PLD5: variants seen among roughly 807,000 people sequenced by gnomAD.
PLD5 encodes the protein phospholipase D family member 5.
Under a neutral mutation model 61.1 loss-of-function variants are expected in PLD5, and 36 were observed. The ratio of observed to expected loss-of-function variants is 0.59; its 90% CI spans 0.45 to 0.78. The LOEUF (loss-of-function observed/expected upper bound fraction) is 0.78, where lower values mean the gene tolerates loss of function less well. PLD5 is among the 30% of genes least tolerant of loss of function. PLD5 has a pLI of 0.00. For missense variants in PLD5, 515 were observed against 644.4 expected (o/e 0.80, Z 2.17); for synonymous variants, 243 against 242.8 (o/e 1.00, Z -0.01).
Position 242,404,875 on chromosome 1 carries a change from A to ATTTTTTTTTTTTTTTTTTTTTTTTT in PLD5, c.190-56634_190-56633insAAAAAAAAAAAAAAAAAAAAAAAAA, listed in dbSNP as rs11361107. On this transcript the variant is annotated intron_variant, in intron 1 of 9. Coordinates refer to ENST00000536534, the MANE Select transcript of PLD5 (RefSeq NM_001372062.1). ...CATGCCTCTTATCTGTTCCCTGCTAATTTTTTTTTTTTTTTTTTTTTTGAG... is the reference window on the plus strand; with the variant it reads ...CATGCCTCTTATCTGTTCCCTGCTAATTTTTTTTTTTTTTTTTTTTTTTTTTTTTTTTTTTTTTTTTTTTTTTGAG... Among the ~76,000 whole-genome samples the ATTTTTTTTTTTTTTTTTTTTTTTTT allele has an allele frequency of 7.2e-4, 54 of 75,390 alleles. 5 individuals are homozygous for ATTTTTTTTTTTTTTTTTTTTTTTTT. Among genetic ancestry groups the ATTTTTTTTTTTTTTTTTTTTTTTTT allele is most frequent in the Middle Eastern group, 0.012 (1 of 82 alleles). The allele number at this position is 75,390 out of a possible 152,430, so 49.5% of individuals were successfully genotyped here.
At chr1:242,133,006 C>CT (rs111821197) in intron 5 of PLD5, among the ~76,000 whole-genome samples, 2 of 150,400 alleles carry the variant, frequency 1.3e-5, no homozygotes, top group Non-Finnish European at 3.0e-5. Context: ...GCAGCCACCC[C>CT]TCCCACTCCC....
chr1:242,169,997 T>C (rs1311937316), intron 5 of PLD5, among the ~76,000 whole-genome samples: 1 of 152,182 alleles, frequency 6.6e-6, no homozygotes, highest in Non-Finnish European at 1.5e-5. Flanking sequence ...GGGGTGGCTG[T>C]GGGCACAGCT....
chr1:242,298,342 ACAG>A (rs1675833299), intron 2 of PLD5, among the ~76,000 whole-genome samples: 1 of 152,224 alleles, frequency 6.6e-6, no homozygotes, highest in Non-Finnish European at 1.5e-5. Flanking sequence ...TTTGTTGCTT[ACAG>A]TTTTAAAAGT....
At chr1:242,367,090 C>T (rs1661386532) in intron 1 of PLD5, among the ~76,000 whole-genome samples, 1 of 152,044 alleles carries the variant, frequency 6.6e-6, no homozygotes, top group Admixed American at 6.6e-5. Flanking sequence ...AAAATGTTAA[C>T]TGAGCACAGA....
At chr1:242,318,269 T>A (rs1000542314) in intron 2 of PLD5, among the ~76,000 whole-genome samples, 2 of 152,128 alleles carry the variant, frequency 1.3e-5, no homozygotes, top group African/African-American at 4.8e-5. Flanking sequence ...AGAGGTGGGA[T>A]GGCCTGCAGA....
chr1:242,104,558 T>A (rs531090795), intron 8 of PLD5, among the ~76,000 whole-genome samples: 1 of 152,356 alleles, frequency 6.6e-6, no homozygotes, highest in East Asian at 1.9e-4. Flanking sequence ...TTCAAAAGAC[T>A]TGGGTTTGAG....
At chr1:242,192,313 C>G (rs1206441227) in intron 5 of PLD5, 1 of 152,242 alleles carries the variant, frequency 6.6e-6, no homozygotes, top group Non-Finnish European at 1.5e-5. Context: ...AGGTAGGTTG[C>G]AAACCCCTCC....
intron 5 of PLD5, among the ~76,000 whole-genome samples, chr1:242,133,452 C>T (rs1663462696): frequency 6.6e-6 from 1 of 152,176 alleles, no homozygotes; most frequent in South Asian, 2.1e-4. Flanking sequence ...ATAAATCTGT[C>T]ATTTTTCTTT....
chr1:242,302,496 C>T (rs545385957), intron 2 of PLD5, among the ~76,000 whole-genome samples: 1 of 151,922 alleles, frequency 6.6e-6, no homozygotes, highest in African/African-American at 2.4e-5. Flanking sequence ...GGCAAGAGGA[C>T]TGCTTGAGGC....
Position 242,101,033 on chromosome 1 carries a change from G to A in PLD5, c.1240-251C>T, listed in dbSNP as rs568453822. 9.9e-5 allele frequency among the ~76,000 whole-genome samples: 15 copies of A among 152,218 alleles called. No homozygotes were observed. In the East Asian group the frequency reaches 1.3e-3, roughly 14 times the overall value. ...AAGCTACAAAATGAACACAAAATTC[G>A]TTTTCTTTTTTCAGCAGGATAAGGG... On this transcript the variant is annotated intron_variant, in intron 8 of 9. Transcript: ENST00000536534.
chr1:242,387,953 C>T (rs1375996089), intron 1 of PLD5, among the ~76,000 whole-genome samples: 1 of 151,948 alleles, frequency 6.6e-6, no homozygotes, highest in Non-Finnish European at 1.5e-5. Flanking sequence ...AAAGATCCCA[C>T]AGAAAGGGAA....
At chr1:242,157,752 AG>A (rs1364497452) in intron 5 of PLD5, among the ~76,000 whole-genome samples, 2 of 151,890 alleles carry the variant, frequency 1.3e-5, no homozygotes, top group Non-Finnish European at 2.9e-5. Flanking sequence ...CTCCTGGATG[AG>A]GTGTCTGGGA....
chr1:242,395,435 G>T (rs888197923), intron 1 of PLD5, among the ~76,000 whole-genome samples: 1 of 152,080 alleles, frequency 6.6e-6, no homozygotes, highest in African/African-American at 2.4e-5. Flanking sequence ...TCATCATAAT[G>T]AATAGCTACT....
At chr1:242,327,558 T>TA (rs1213164519) in intron 2 of PLD5, among the ~76,000 whole-genome samples, 1 of 152,134 alleles carries the variant, frequency 6.6e-6, no homozygotes, top group Non-Finnish European at 1.5e-5. Context: ...AAACTCAAGA[T>TA]AGAGAATTTC....
chr1:242,140,739 T>TAA (rs907886688), intron 5 of PLD5, among the ~76,000 whole-genome samples: 1 of 125,340 alleles, frequency 8.0e-6, no homozygotes, highest in Non-Finnish European at 1.7e-5. Context: ...GCTACATCGT[T>TAA]AAATTTTTTT....
At chr1:242,461,159 T>G (rs1277066426) in intron 1 of PLD5, among the ~76,000 whole-genome samples, 1 of 152,156 alleles carries the variant, frequency 6.6e-6, no homozygotes, top group Non-Finnish European at 1.5e-5. Flanking sequence ...AGGGACTTTA[T>G]CTGTCCTGTT....
At chr1:242,106,282 T>G (rs1661049396) in intron 8 of PLD5, among the ~76,000 whole-genome samples, 6 of 152,240 alleles carry the variant, frequency 3.9e-5, no homozygotes. Flanking sequence ...ATTGACAAAC[T>G]ATGATGTACC....
At chr1:242,281,360 T>C (rs1357754352) in intron 3 of PLD5, among the ~76,000 whole-genome samples, 1 of 152,140 alleles carries the variant, frequency 6.6e-6, no homozygotes, top group Non-Finnish European at 1.5e-5. Flanking sequence ...TGGATACAGC[T>C]GCCTGAATCA....
At chr1:242,435,448 G>A (rs1189197033) in intron 1 of PLD5, among the ~76,000 whole-genome samples, 1 of 149,362 alleles carries the variant, frequency 6.7e-6, no homozygotes, top group Non-Finnish European at 1.5e-5. Context: ...CCCCCCAGGT[G>A]TAGCATTGAA....
Sources: allele counts gnomAD v4.1 joint callset (sites outside exome capture counted in the v4.1 genomes callset), GRCh38; gene constraint gnomAD v4.1.1; transcripts MANE v1.5; gene names NCBI Gene and HGNC (gene_info 2026-07-23, HGNC 2026-07-21).